The following DLGAP2 variants were observed in gnomAD, a reference collection of about 807,000 sequenced individuals.
DLGAP2 encodes DLG associated protein 2, also known as disks large-associated protein 2.
Under a neutral mutation model 100.3 loss-of-function variants are expected in DLGAP2, and 26 were observed. That is an observed-to-expected ratio of 0.26 (90% CI 0.19 to 0.36). The LOEUF is 0.36. DLGAP2 is among the 10% of genes least tolerant of loss of function. The pLI is 1.00. For synonymous variants in DLGAP2, 886 were observed against 630.1 expected, an observed-to-expected ratio of 1.41 and a Z score of -6.08; for missense variants, 1,858 against 1,453.2, an observed-to-expected ratio of 1.28 and a Z score of -4.53.
At chr8:1,301,043 G>C (rs1024573501) in intron 3 of DLGAP2, 57 of 152,644 alleles carry the variant, frequency 3.7e-4, no homozygotes, top group African/African-American at 1.4e-3. Context: ...TCCAGCTCCT[G>C]GCTGTGCGGC....
chr8:767,585 G>A (rs1395858710), intron 1 of DLGAP2, among the ~76,000 whole-genome samples: 1 of 152,106 alleles, frequency 6.6e-6, no homozygotes, highest in African/African-American at 2.4e-5. Context: ...TCGAACTCCT[G>A]ACCTCGTGAT....
At chr8:1,285,823 G>A (rs1296340338) in intron 3 of DLGAP2, among the ~76,000 whole-genome samples, 3 of 152,094 alleles carry the variant, frequency 2.0e-5, no homozygotes, top group Non-Finnish European at 4.4e-5. Context: ...TTAAAAATGA[G>A]CTGGGCGTAG....
intron 6 of DLGAP2, among the ~76,000 whole-genome samples, chr8:1,610,352 C>T (rs1391389998): frequency 6.6e-6 from 1 of 151,654 alleles, no homozygotes; most frequent in East Asian, 1.9e-4. Context: ...AGAACAAAGA[C>T]ACAACAAACC....
chr8:1,534,254 A>C (rs924524196), intron 4 of DLGAP2, among the ~76,000 whole-genome samples: 23 of 152,218 alleles, frequency 1.5e-4, no homozygotes, highest in African/African-American at 5.3e-4. Flanking sequence ...TGAAGCGAAA[A>C]GTGTGTGTCA....
intron 2 of DLGAP2, among the ~76,000 whole-genome samples, chr8:986,635 C>G (rs908978655): frequency 2.0e-5 from 3 of 151,552 alleles, no homozygotes; most frequent in Admixed American, 6.6e-5. Context: ...TTACTGGGCA[C>G]CCACTGCATG....
chr8:1,601,635 G>A (rs1253073428), intron 6 of DLGAP2, among the ~76,000 whole-genome samples: 4 of 152,132 alleles, frequency 2.6e-5, no homozygotes, highest in African/African-American at 9.7e-5. Flanking sequence ...CTCCGTGACA[G>A]ATGTTTGTCA....
chr8:985,945 A>G (rs1366938414), intron 2 of DLGAP2, among the ~76,000 whole-genome samples: 1 of 152,136 alleles, frequency 6.6e-6, no homozygotes, highest in East Asian at 1.9e-4. Context: ...CTCTTGGTGG[A>G]ATAAAAACTT....
intron 3 of DLGAP2, among the ~76,000 whole-genome samples, chr8:1,345,506 G>C (rs534986792): frequency 6.6e-6 from 1 of 152,248 alleles, no homozygotes; most frequent in East Asian, 1.9e-4. Flanking sequence ...ATATTACTTG[G>C]CATAAGTTTT....
At chr8:1,535,023 T>C (rs1401477293) in intron 4 of DLGAP2, among the ~76,000 whole-genome samples, 1 of 152,240 alleles carries the variant, frequency 6.6e-6, no homozygotes, top group African/African-American at 2.4e-5. Flanking sequence ...CAAGCGTTCA[T>C]TTCATTAAGC....
chr8:762,444 C>T (rs148216913), intron 1 of DLGAP2, among the ~76,000 whole-genome samples: 1 of 152,254 alleles, frequency 6.6e-6, no homozygotes, highest in Non-Finnish European at 1.5e-5. Flanking sequence ...ATCTTTGGCT[C>T]AAATGGAGTG....
At chr8:965,513 G>A (rs1166008716) in intron 2 of DLGAP2, among the ~76,000 whole-genome samples, 8 of 114,390 alleles carry the variant, frequency 7.0e-5, no homozygotes, top group African/African-American at 2.7e-4. Flanking sequence ...TCCTGAGTCT[G>A]ACCCCTGCGC....
chr8:748,871 T>C (rs559710891), intron 1 of DLGAP2, among the ~76,000 whole-genome samples: 2 of 152,370 alleles, frequency 1.3e-5, no homozygotes, highest in South Asian at 4.1e-4. Flanking sequence ...GGCTGCCAGA[T>C]CTTTGCTTTC....
At chr8:916,513 C>G (rs1295794090) in intron 2 of DLGAP2, among the ~76,000 whole-genome samples, 1 of 152,090 alleles carries the variant, frequency 6.6e-6, no homozygotes, top group Non-Finnish European at 1.5e-5. Flanking sequence ...ACATCACACA[C>G]CGGGGCCTGT....
At chr8:811,105 G>A (rs879489136) in intron 1 of DLGAP2, among the ~76,000 whole-genome samples, 4 of 152,178 alleles carry the variant, frequency 2.6e-5, no homozygotes, top group Admixed American at 6.5e-5. Context: ...GTGCCTCCCC[G>A]ACCTGCCTGG....
intron 2 of DLGAP2, among the ~76,000 whole-genome samples, chr8:1,098,417 C>T (rs989125554): frequency 6.6e-6 from 1 of 152,204 alleles, no homozygotes; most frequent in Non-Finnish European, 1.5e-5. Flanking sequence ...CTCCTCCTCA[C>T]GAGGGCCTCC....
chr8:1,697,826 A>G (rs542816843), intron 14 of DLGAP2, among the ~76,000 whole-genome samples: 53 of 152,230 alleles, frequency 3.5e-4, no homozygotes, highest in Non-Finnish European at 7.4e-4. Flanking sequence ...ATCAGCCTCA[A>G]CCCTTAAAAT....
At chr8:1,129,330 G>A (rs576290992) in intron 2 of DLGAP2, among the ~76,000 whole-genome samples, 2 of 151,638 alleles carry the variant, frequency 1.3e-5, no homozygotes, top group Non-Finnish European at 2.9e-5. Flanking sequence ...TTGGACCCGG[G>A]AGGCAGAGGT....
chr8:906,356 C>T (rs2128998500), intron 1 of DLGAP2, among the ~76,000 whole-genome samples: 2 of 152,326 alleles, frequency 1.3e-5, no homozygotes, highest in South Asian at 4.1e-4. Flanking sequence ...AGGCAGTAGC[C>T]TTTTCAGACC....
intron 8 of DLGAP2, among the ~76,000 whole-genome samples, chr8:1,638,498 G>A (rs1350122039): frequency 2.0e-5 from 3 of 152,144 alleles, no homozygotes; most frequent in South Asian, 2.1e-4. Flanking sequence ...GGACTAACAC[G>A]GGGGCCAGAG....
Sources: allele counts gnomAD v4.1 joint callset (sites outside exome capture counted in the v4.1 genomes callset), GRCh38; gene constraint gnomAD v4.1.1; transcripts MANE v1.5; gene names NCBI Gene and HGNC (gene_info 2026-07-23, HGNC 2026-07-21).